Variants in PCDHA6 observed in about 807,000 individuals in gnomAD.
PCDHA6 encodes the protein protocadherin alpha-6.
In PCDHA6, 55 loss-of-function variants were observed where a neutral mutation model predicts 60.3. That is an observed-to-expected ratio of 0.91 (90% CI 0.73 to 1.14). The LOEUF is 1.14. PCDHA6 is among the 50% of genes most tolerant of loss of function. PCDHA6 has a pLI of 0.00. For synonymous variants in PCDHA6, 652 were observed against 557.9 expected (o/e 1.17, Z -2.38); for missense variants, 1,327 against 1,256.5 (o/e 1.06, Z -0.85).
At chr5:140,930,527 A>C (rs73793525) in intron 1 of PCDHA6, 8,511 of 152,566 alleles carry the variant, frequency 0.056, 704 homozygotes, top group African/African-American at 0.18. Context: ...CTGGCCCTCA[A>C]ACTTCTTGAG....
chr5:140,870,082 C>A lies in PCDHA6; in HGVS notation c.2394+39597C>A, dbSNP rs1326686779. 1.9e-6 allele frequency: 3 copies of A among 1,613,708 alleles called. No individual in the cohort carries two copies. In the Admixed American group the frequency reaches 5.0e-5, roughly 27 times the overall value. ...AGTACAGGCTACAGATAAGGGGACT[C>A]CCCCAATGGCAGGTCACTGTACAGT... On this transcript the variant is annotated intron_variant, in intron 1 of 3. Transcript: ENST00000529310.
intron 1 of PCDHA6, chr5:140,859,968 T>A (rs1262644180): frequency 6.6e-6 from 1 of 151,956 alleles, no homozygotes; most frequent in Non-Finnish European, 1.5e-5. Flanking sequence ...AAGTCTCAGG[T>A]ATACAAGTGC....
At chr5:140,941,553 G>T in intron 1 of PCDHA6, among the ~76,000 whole-genome samples, 1 of 151,656 alleles carries the variant, frequency 6.6e-6, no homozygotes, top group East Asian at 2.0e-4. Context: ...CTGACCTCGT[G>T]ATCCATTCGC....
rs782761361 is a variant in PCDHA6, at chr5:140,927,794, C to T, written c.2395-51155C>T. 1.2e-5 allele frequency: 20 copies of T among 1,614,154 alleles called. No individual in the cohort carries two copies. In the South Asian group the frequency reaches 1.6e-4, roughly 13 times the overall value. Reference sequence around the variant, plus strand: ...GTGCAAGTAGCTGCTTCACTAGGTCCGCCTGAAACGCTCTTGGAGGCATAC... The same window carrying T: ...GTGCAAGTAGCTGCTTCACTAGGTCTGCCTGAAACGCTCTTGGAGGCATAC... On this transcript the variant is annotated intron_variant, in intron 1 of 3. Coordinates refer to ENST00000529310, the MANE Select transcript of PCDHA6 (RefSeq NM_018909.4).
At chr5:140,860,679 T>A (rs1465789150) in intron 1 of PCDHA6, 1 of 152,238 alleles carries the variant, frequency 6.6e-6, no homozygotes, top group Non-Finnish European at 1.5e-5. Flanking sequence ...AATGCACTTA[T>A]GTTTTGAGCG....
In PCDHA6 at chr5:141,010,640, G is replaced by A. The variant is rs2098417874; in HGVS notation, c.*703G>A. The A allele has an allele frequency of 5.6e-6, 1 of 179,322 alleles. No homozygotes were observed. Among genetic ancestry groups the A allele is most frequent in the South Asian group, 1.4e-4 (1 of 7,048 alleles). 11.1% of individuals were successfully genotyped at this position (179,322 alleles called of 1,614,324 possible). A position where few individuals can be genotyped will look rare whatever the true frequency, so the allele number is the denominator to read the frequency against. On this transcript the variant is annotated 3_prime_UTR_variant, in exon 4 of 4. Transcript: ENST00000529310. ...TCTGCATCATACCTGCAAGCCAACA[G>A]TTCAGTGTTTTAACAGAGAACCACC...
At chr5:140,837,003 A>T (rs1386958207) in intron 1 of PCDHA6, 2 of 326,856 alleles carry the variant, frequency 6.1e-6, no homozygotes, top group Admixed American at 8.8e-5. Flanking sequence ...AACTGGAGCA[A>T]TGGATTCACC....
At chr5:140,966,703 G>T in intron 1 of PCDHA6, 1 of 1,376,398 alleles carries the variant, frequency 7.3e-7, no homozygotes, top group South Asian at 1.7e-5. Flanking sequence ...CCCGGGCGTG[G>T]GGCACGGCTG....
intron 1 of PCDHA6, among the ~76,000 whole-genome samples, chr5:140,951,776 T>C (rs1301757181): frequency 2.6e-5 from 4 of 152,140 alleles, no homozygotes; most frequent in East Asian, 1.9e-4. Context: ...CGTTCTTACA[T>C]TGCAAAATAC....
intron 1 of PCDHA6, among the ~76,000 whole-genome samples, chr5:140,931,914 A>C (rs1374173998): frequency 1.3e-5 from 2 of 151,960 alleles, no homozygotes; most frequent in Admixed American, 1.3e-4. Context: ...AAAGCATGAC[A>C]TTTAACAATG....
chr5:140,834,517 T>C, intron 1 of PCDHA6: 2 of 1,614,066 alleles, frequency 1.2e-6, no homozygotes, highest in South Asian at 1.1e-5. Context: ...GGCAACTTCG[T>C]GGGCCGCATC....
In PCDHA6 at chr5:140,858,867, T is replaced by C. The variant is rs183298446; in HGVS notation, c.2394+28382T>C. 1.7e-4 allele frequency: 42 copies of C among 253,674 alleles called. No homozygotes were observed. In the East Asian group the frequency reaches 3.9e-3, roughly 24 times the overall value. 15.7% of individuals were successfully genotyped at this position (253,674 alleles called of 1,614,324 possible). ...CTGATCTATATCTCTTCAGTGAAAATGTGTTTTCCTCCATGTGTAGAATAT... is the reference window on the plus strand; with the variant it reads ...CTGATCTATATCTCTTCAGTGAAAACGTGTTTTCCTCCATGTGTAGAATAT... On this transcript the variant is annotated intron_variant, in intron 1 of 3. Coordinates refer to ENST00000529310, the MANE Select transcript of PCDHA6 (RefSeq NM_018909.4).
intron 1 of PCDHA6, among the ~76,000 whole-genome samples, chr5:140,962,298 A>T (rs2095671297): frequency 6.6e-6 from 1 of 152,204 alleles, no homozygotes; most frequent in South Asian, 2.1e-4. Context: ...ATATTCTATG[A>T]TTCTTGTTAG....
chr5:140,832,440 C>T (rs1771990436), intron 1 of PCDHA6, among the ~76,000 whole-genome samples: 1 of 152,038 alleles, frequency 6.6e-6, no homozygotes, highest in Non-Finnish European at 1.5e-5. Context: ...AATTTTTAAG[C>T]GTGTAATTAA....
chr5:140,862,807 C>T (rs782675641), intron 1 of PCDHA6: 1 of 572,850 alleles, frequency 1.7e-6, no homozygotes, highest in East Asian at 4.7e-5. Context: ...GGAGCTGCTG[C>T]AGTTCTAGGT....
At chr5:141,009,389 G>A (rs1234679148) in intron 3 of PCDHA6, among the ~76,000 whole-genome samples, 1 of 152,178 alleles carries the variant, frequency 6.6e-6, no homozygotes, top group Non-Finnish European at 1.5e-5. Context: ...AGCACAGGAG[G>A]TCGAGGCTGC....
At chr5:140,991,716 A>G (rs1287772391) in intron 3 of PCDHA6, among the ~76,000 whole-genome samples, 1 of 152,164 alleles carries the variant, frequency 6.6e-6, no homozygotes, top group East Asian at 1.9e-4. Flanking sequence ...TATTGCTACT[A>G]GCAGCCTGTT....
At chr5:140,918,432 T>C (rs1462854272) in intron 1 of PCDHA6, among the ~76,000 whole-genome samples, 2 of 152,204 alleles carry the variant, frequency 1.3e-5, no homozygotes, top group Non-Finnish European at 2.9e-5. Context: ...GGATGTTGAA[T>C]AGGAGTGGTG....
At chr5:140,918,412 A>G (rs1335591362) in intron 1 of PCDHA6, among the ~76,000 whole-genome samples, 5 of 152,252 alleles carry the variant, frequency 3.3e-5, no homozygotes, top group Middle Eastern at 3.4e-3. Context: ...TCTGGCCAGG[A>G]CTTCCAGTAG....
Sources: allele counts gnomAD v4.1 joint callset (sites outside exome capture counted in the v4.1 genomes callset), GRCh38; gene constraint gnomAD v4.1.1; transcripts MANE v1.5; gene names NCBI Gene and HGNC (gene_info 2026-07-23, HGNC 2026-07-21).